MROH2A: variants seen among roughly 807,000 people sequenced by gnomAD.
MROH2A encodes the protein maestro heat like repeat family member 2A.
MROH2A carries 174 observed loss-of-function variants against 200.4 expected under a neutral mutation model. The observed-to-expected ratio is 0.87, with a 90% CI of 0.77 to 0.98. The LOEUF (loss-of-function observed/expected upper bound fraction) is 0.98. MROH2A is among the 50% of genes least tolerant of loss of function. The probability of loss-of-function intolerance (pLI) is 0.00; values close to 1 mark genes in which losing one functional copy is unlikely to be tolerated. For missense variants in MROH2A, 2,045 were observed against 2,139.6 expected, an observed-to-expected ratio of 0.96 and a Z score of 0.87; for synonymous variants, 829 against 840.4, an observed-to-expected ratio of 0.99 and a Z score of 0.23.
upstream of MROH2A, among the ~76,000 whole-genome samples, chr2:233,776,106 G>A (rs1407201835): frequency 6.6e-6 from 1 of 152,096 alleles, no homozygotes; most frequent in Non-Finnish European, 1.5e-5. Flanking sequence ...TTTCTTCATA[G>A]CAGTATGAAA....
At chr2:233,797,401 A>T (rs1233365669) in intron 11 of MROH2A, among the ~76,000 whole-genome samples, 2 of 152,222 alleles carry the variant, frequency 1.3e-5, no homozygotes, top group Non-Finnish European at 2.9e-5. Flanking sequence ...AACAGCCTAA[A>T]TGTTTTTCTG....
chr2:233,777,749 A>G (rs892139306), upstream of MROH2A, among the ~76,000 whole-genome samples: 1 of 152,162 alleles, frequency 6.6e-6, no homozygotes, highest in African/African-American at 2.4e-5. Context: ...GTTGTCTTGC[A>G]GTGCATAGAA....
chr2:233,786,297 C>A (rs1235172436), intron 3 of MROH2A, among the ~76,000 whole-genome samples: 1 of 152,238 alleles, frequency 6.6e-6, no homozygotes, highest in Non-Finnish European at 1.5e-5. Flanking sequence ...CAGACTAATA[C>A]AAGGTGCCAG....
chr2:233,801,700 A>G (rs1227863241), intron 14 of MROH2A, among the ~76,000 whole-genome samples: 1 of 152,166 alleles, frequency 6.6e-6, no homozygotes, highest in African/African-American at 2.4e-5. Flanking sequence ...CGTCACACCT[A>G]CAAGCTACCT....
At chr2:233,832,965 T>C (rs1434158748) in intron 41 of MROH2A, among the ~76,000 whole-genome samples, 173 bp from the exon 42 acceptor site, 2 of 152,242 alleles carry the variant, frequency 1.3e-5, no homozygotes, top group East Asian at 3.8e-4. Flanking sequence ...CTGAGAGCTA[T>C]GATGTGTGTT....
Position 233,807,711 on chromosome 2 carries a change from G to A in MROH2A, c.2173-22G>A, listed in dbSNP as rs1702894570. ...GCCCACTGGCCCCTGCCCTCACCCTGGCTGGCTGGGTCTCCCTGCAGGGTG... is the reference window on the plus strand; with the variant it reads ...GCCCACTGGCCCCTGCCCTCACCCTAGCTGGCTGGGTCTCCCTGCAGGGTG... On this transcript the variant is annotated intron_variant, in intron 20 of 41. Transcript: ENST00000389758. The surrounding 1 kb of genome is among the most constrained non-coding windows in gnomAD (Gnocchi z 4.3). 3 of 1,550,636 alleles carry A rather than the reference G, an allele frequency of 1.9e-6. No homozygotes were observed. In the East Asian group the frequency reaches 7.3e-5, roughly 38 times the overall value.
chr2:233,832,418 G>C (rs1278169064), intron 40 of MROH2A, 139 bp downstream of exon 40: 6 of 952,886 alleles, frequency 6.3e-6, no homozygotes, highest in South Asian at 3.1e-5. Flanking sequence ...GCCCTGCACT[G>C]TGCTTTCTAT....
chr2:233,789,972 G>C lies in MROH2A; in HGVS notation c.529G>C (p.Glu177Gln). ...CCTCAAGCCCCTCAACCTCACTGAT[G>C]AATTTGTCATCATCACACTGGCCAA... ...HHLKPLNLTD[E>Q]FVIITLAKLA... is the part of the protein sequence containing the mutation. Residue 177 changes from glutamate (E) to glutamine (Q), a missense_variant, in exon 5 of 42, where the codon GAA (glutamate) becomes CAA (glutamine). Physicochemically the swap from Glu to Gln is conservative, Grantham distance 29. This residue lies in a region of MROH2A where 831 missense variants were observed against 800.0 expected (regional missense o/e 1.04). Transcript: ENST00000389758. 6.4e-7 allele frequency: 1 copy of C among 1,550,462 alleles called. No individual in the cohort carries two copies. The highest frequency in any genetic ancestry group is 8.7e-7 in the Non-Finnish European group (1 of 1,146,918).
chr2:233,819,291 A>G, intron 29 of MROH2A, 26 bp from the exon 30 acceptor site: 1 of 1,542,590 alleles, frequency 6.5e-7, no homozygotes, highest in Non-Finnish European at 8.8e-7. Context: ...AGGGGAGGGC[A>G]GGGGAGTCAC....
Position 233,804,406 on chromosome 2 carries a change from C to T in MROH2A, c.1892-89C>T, listed in dbSNP as rs73996325. The T allele has an allele frequency of 5.7e-4, 821 of 1,445,310 alleles. 4 individuals are homozygous for T. In the African/African-American group the frequency reaches 8.9e-3, roughly 16 times the overall value. The allele number at this position is 1,445,310 out of a possible 1,614,324, so 89.5% of individuals were successfully genotyped here. A position where few individuals can be genotyped will look rare whatever the true frequency, so the allele number is the denominator to read the frequency against. On this transcript the variant is annotated intron_variant, in intron 17 of 41. Transcript: ENST00000389758. ...CATCCATGGAGGGCCTCAAATGCCA[C>T]GCTAAGGAGGCATAGAGGGCCTTGA...
rs1038828435 is a variant in MROH2A, at chr2:233,800,293, C to T, written c.1538C>T (p.Ser513Phe). Residue 513 changes from serine (S) to phenylalanine (F), a missense_variant, in exon 14 of 42, where the codon TCT becomes TTT. Ser to Phe is a radical substitution (Grantham distance 155, BLOSUM62 -2). This residue lies in a region of MROH2A where 831 missense variants were observed against 800.0 expected (regional missense o/e 1.04). Transcript: ENST00000389758. Reference protein sequence around the residue: ...VTMDTVKIITSSVSGMTTEFW... With the variant: ...VTMDTVKIITFSVSGMTTEFW... Reference sequence around the variant, plus strand: ...ATGGACACTGTGAAGATCATTACCTCTTCTGTCAGTGGGATGACCACCGTG... The same window carrying T: ...ATGGACACTGTGAAGATCATTACCTTTTCTGTCAGTGGGATGACCACCGTG... 1.7e-5 allele frequency: 26 copies of T among 1,549,126 alleles called. No homozygotes were observed. The highest frequency in any genetic ancestry group is 1.7e-4 in the Middle Eastern group (1 of 5,886).
At chr2:233,827,910 T>C (rs1704425114) in intron 35 of MROH2A, among the ~76,000 whole-genome samples, 1 of 152,186 alleles carries the variant, frequency 6.6e-6, no homozygotes, top group South Asian at 2.1e-4. Context: ...TTGTATTCAC[T>C]GCTCTACCTG....
Position 233,789,642 on chromosome 2 carries a change from C to A in MROH2A, c.408+14C>A. The A allele has an allele frequency of 6.9e-7, 1 of 1,453,382 alleles. No individual in the cohort carries two copies. Among genetic ancestry groups the A allele is most frequent in the Admixed American group, 2.7e-5 (1 of 36,376 alleles). The allele number at this position is 1,453,382 out of a possible 1,614,324, so 90.0% of individuals were successfully genotyped here. A position where few individuals can be genotyped will look rare whatever the true frequency, so the allele number is the denominator to read the frequency against. ...GAGATCCCAGAGGTAGGACCCCAAGCTCCATCGGTGCCTTCCCTCTGCCAG... is the reference window on the plus strand; with the variant it reads ...GAGATCCCAGAGGTAGGACCCCAAGATCCATCGGTGCCTTCCCTCTGCCAG... On this transcript the variant is annotated intron_variant, in intron 4 of 41. Coordinates refer to ENST00000389758, the MANE Select transcript of MROH2A (RefSeq NM_001394639.1).
chr2:233,822,078 G>C lies in MROH2A; in HGVS notation c.3513-46G>C, dbSNP rs1298266289. On this transcript the variant is annotated intron_variant, in intron 31 of 41. Transcript: ENST00000389758. ...TTGAAAGGGATTCTTACCTGCCAGGGCACATGCCAGGAAACTCACAGTCCT... is the reference window on the plus strand; with the variant it reads ...TTGAAAGGGATTCTTACCTGCCAGGCCACATGCCAGGAAACTCACAGTCCT... 9.2e-6 allele frequency: 14 copies of C among 1,522,258 alleles called. No homozygotes were observed. The East Asian group carries it at 1.2e-4, about 13-fold the overall frequency. The allele number at this position is 1,522,258 out of a possible 1,614,324, so 94.3% of individuals were successfully genotyped here. A position where few individuals can be genotyped will look rare whatever the true frequency, so the allele number is the denominator to read the frequency against.
chr2:233,792,843 A>G lies in MROH2A; in HGVS notation c.619A>G (p.Thr207Ala). The stretch of plus-strand genomic sequence containing the variant: ...GGGCATCACCCTGGCTACCATATTC[A>G]CCATGCTGAGACTTGCCAATGAAGC... ...YMGITLATIF[T>A]MLRLANEAKI... is the part of the protein sequence containing the mutation. Residue 207 changes from threonine to alanine, a missense_variant, in exon 6 of 42, where the codon ACC (threonine) becomes GCC (alanine). Around this residue, in one of 3 missense-constraint regions of MROH2A, gnomAD observed 831 missense variants for 800.0 expected, o/e 1.04. Coordinates refer to ENST00000389758, the MANE Select transcript of MROH2A (RefSeq NM_001394639.1). 1 of 1,550,356 alleles carries G rather than the reference A, an allele frequency of 6.5e-7. No individual in the cohort carries two copies. Among genetic ancestry groups the G allele is most frequent in the South Asian group, 1.2e-5 (1 of 84,050 alleles).
In MROH2A at chr2:233,818,069, A is replaced by G; in HGVS notation, c.3029A>G (p.His1010Arg). The G allele has an allele frequency of 6.4e-7, 1 of 1,550,992 alleles. No individual in the cohort carries two copies. The highest frequency in any genetic ancestry group is 8.7e-7 in the Non-Finnish European group (1 of 1,147,104). ...ATTGCCCCGTGCACCTGTGATGCCC[A>G]TCAAAGAACCCGCATGGCCTCAATG... ...GLIAPCTCDA[H>R]QRTRMASMNV... Residue 1010 changes from histidine (H) to arginine (R), a missense_variant, in exon 28 of 42, where the codon CAT (histidine) becomes CGT (arginine). This residue lies in a region of MROH2A where 1,201 missense variants were observed against 1,311.3 expected (regional missense o/e 0.92). Coordinates refer to ENST00000389758, the MANE Select transcript of MROH2A (RefSeq NM_001394639.1).
intron 3 of MROH2A, among the ~76,000 whole-genome samples, chr2:233,786,967 G>A (rs530141873): frequency 5.3e-5 from 8 of 152,204 alleles, no homozygotes; most frequent in South Asian, 2.1e-4. Flanking sequence ...TAGGAAACAC[G>A]TGCATTGTTA....
At chr2:233,827,121 G>A (rs1438248144) in intron 35 of MROH2A, among the ~76,000 whole-genome samples, 1 of 152,230 alleles carries the variant, frequency 6.6e-6, no homozygotes, top group Non-Finnish European at 1.5e-5. Context: ...TACACTGTTG[G>A]TGGGAATGTA....
chr2:233,800,393 C>T lies in MROH2A; in HGVS notation c.1560+78C>T, dbSNP rs960139670. 1.7e-5 allele frequency: 14 copies of T among 820,418 alleles called. No individual in the cohort carries two copies. The African/African-American group carries it at 1.9e-4, about 11-fold the overall frequency. The allele number at this position is 820,418 out of a possible 1,614,324, so 50.8% of individuals were successfully genotyped here. Reference sequence around the variant, plus strand: ...TGAACCACACATGCCCAGAATTCCACATCTTTGCTTCTTCCGTTCCTGCTG... The same window carrying T: ...TGAACCACACATGCCCAGAATTCCATATCTTTGCTTCTTCCGTTCCTGCTG... On this transcript the variant is annotated intron_variant, in intron 14 of 41. Coordinates refer to ENST00000389758, the MANE Select transcript of MROH2A (RefSeq NM_001394639.1).
Sources: allele counts gnomAD v4.1 joint callset (sites outside exome capture counted in the v4.1 genomes callset), GRCh38; gene constraint gnomAD v4.1.1; regional missense constraint gnomAD v4.1.1; non-coding constraint Gnocchi (gnomAD v3.1); transcripts MANE v1.5; gene names NCBI Gene and HGNC (gene_info 2026-07-23, HGNC 2026-07-21).